The following NCAPD3 variants were observed in gnomAD, a reference collection of about 807,000 sequenced individuals.
NCAPD3 encodes the protein non-SMC condensin II complex subunit D3.
In NCAPD3, 105 loss-of-function variants were observed where a neutral mutation model predicts 182.9. The ratio of observed to expected loss-of-function variants is 0.57; its 90% confidence interval spans 0.49 to 0.68. The LOEUF (loss-of-function observed/expected upper bound fraction) is 0.68. Ranked by LOEUF, NCAPD3 falls within the 30% of genes least tolerant of loss-of-function variation. The pLI, the probability that NCAPD3 is intolerant of heterozygous loss-of-function variation, is 0.00. For synonymous variants in NCAPD3, 815 were observed against 679.9 expected, an observed-to-expected ratio of 1.20 and a Z score of -3.09; for missense variants, 1,944 against 1,837.0, an observed-to-expected ratio of 1.06 and a Z score of -1.07.
At chr11:134,165,133 G>A (rs1052850963) in intron 27 of NCAPD3, among the ~76,000 whole-genome samples, 2 of 151,144 alleles carry the variant, frequency 1.3e-5, no homozygotes, top group Non-Finnish European at 2.9e-5. Flanking sequence ...GATGAGCTTA[G>A]GGGAGCAGCA....
Position 134,206,599 on chromosome 11 carries a change from C to T in NCAPD3, c.1016G>A (p.Ser339Asn). 6.2e-7 allele frequency: 1 copy of T among 1,613,332 alleles called. No individual in the cohort carries two copies. The highest frequency in any genetic ancestry group is 8.5e-7 in the Non-Finnish European group (1 of 1,179,696). Residue 339 changes from serine (S) to asparagine (N), a missense_variant and splice_region_variant, in exon 8 of 35, where the codon AGC (serine) becomes AAC (asparagine). By Grantham distance (46) the Ser-to-Asn change is conservative (BLOSUM62 1). Around this residue, in one of 3 missense-constraint regions of NCAPD3, gnomAD observed 1,803 missense variants for 1,674.6 expected, o/e 1.08. Coordinates refer to ENST00000534548, the MANE Select transcript of NCAPD3 (RefSeq NM_015261.3). ...AAAATTCACGATTTGTGTGCTTCAC[C>T]TGATAAACTGGACCGCCTGGTTTCT... is the stretch of plus-strand genomic sequence containing the variant. ...NCRNQAVQFISALVDELKESI... is the reference protein window; with the variant it reads ...NCRNQAVQFINALVDELKESI...
At position 134,152,620 on chromosome 11, in the gene NCAPD3, A is replaced by T. The variant is rs1943281931; in HGVS notation, c.*324T>A. ...CTTGATTTATATAAAAGAAAGCTGC[A>T]GTTTTAAAGTTGTGTTCCTTAAAGA... is the stretch of plus-strand genomic sequence containing the variant. On this transcript the variant is annotated 3_prime_UTR_variant, in exon 35 of 35. Coordinates refer to ENST00000534548, the MANE Select transcript of NCAPD3 (RefSeq NM_015261.3). 1 of 219,772 alleles carries T rather than the reference A, an allele frequency of 4.6e-6. No individual in the cohort carries two copies. Among genetic ancestry groups the T allele is most frequent in the Non-Finnish European group, 8.8e-6 (1 of 113,304 alleles). The allele number at this position is 219,772 out of a possible 1,614,324, so 13.6% of individuals were successfully genotyped here. A position where few individuals can be genotyped will look rare whatever the true frequency, so the allele number is the denominator to read the frequency against.
At chr11:134,169,664 C>T (rs79714405) in intron 24 of NCAPD3, among the ~76,000 whole-genome samples, 2 of 152,190 alleles carry the variant, frequency 1.3e-5, no homozygotes, top group African/African-American at 2.4e-5. Flanking sequence ...CATATCTGTG[C>T]AATGCTGCAC....
intron 3 of NCAPD3, among the ~76,000 whole-genome samples, chr11:134,216,334 G>A (rs1335527815): frequency 1.3e-5 from 2 of 152,112 alleles, no homozygotes; most frequent in Non-Finnish European, 1.5e-5. Context: ...TGAACTTCAG[G>A]TTATCTGACT....
chr11:134,217,548 G>T (rs868389406), intron 2 of NCAPD3, among the ~76,000 whole-genome samples: 1 of 152,170 alleles, frequency 6.6e-6, no homozygotes, highest in South Asian at 2.1e-4. Flanking sequence ...CAGGCAATGG[G>T]AGCAGGAAAT....
intron 16 of NCAPD3, among the ~76,000 whole-genome samples, chr11:134,188,545 G>T (rs930853715): frequency 1.3e-5 from 2 of 152,154 alleles, no homozygotes; most frequent in African/African-American, 4.8e-5. Flanking sequence ...AAGGGTCTGC[G>T]GCTTCATTCC....
chr11:134,223,752 C>CCGGGCG (rs1938336737), intron 1 of NCAPD3, 111 bp downstream of exon 1: 1 of 1,327,414 alleles, frequency 7.5e-7, no homozygotes. Context: ...CCGCCGACAG[C>CCGGGCG]CGGGCGCCCC....
chr11:134,168,975 A>G lies in NCAPD3; in HGVS notation c.3181T>C (p.Phe1061Leu). ...TGCTTCTCATAGTTATTAAAGTGAAAAATACATTCAATGAAGTGTTGGAAG... is the reference window on the plus strand; with the variant it reads ...TGCTTCTCATAGTTATTAAAGTGAAGAATACATTCAATGAAGTGTTGGAAG... ...MFFQHFIECI[F>L]HFNNYEKHEK... The change falls in exon 25 of 35, where the codon TTT becomes CTT. Residue 1061 changes from phenylalanine to leucine, a missense_variant. Transcript: ENST00000534548. The G allele has an allele frequency of 1.2e-6, 2 of 1,614,064 alleles. No homozygotes were observed. Among genetic ancestry groups the G allele is most frequent in the Non-Finnish European group, 1.7e-6 (2 of 1,179,926 alleles).
Position 134,209,403 on chromosome 11 carries a change from A to G in NCAPD3, c.642T>C (p.Asn214=). ...AATTCTTTAAAAGGTGAAAGATGGC[A>G]TTTCGAATTTGAGAAAGGTCCCGGG... The part of the protein sequence containing the change: ...FSARDLSQIR[N]AIFHLLKNFL... Residue 214 remains asparagine, a synonymous_variant, in exon 5 of 35, where the codon AAT becomes AAC. Transcript: ENST00000534548. 6.2e-7 allele frequency: 1 copy of G among 1,613,964 alleles called. No individual in the cohort carries two copies. Among genetic ancestry groups the G allele is most frequent in the Non-Finnish European group, 8.5e-7 (1 of 1,179,898 alleles).
intron 19 of NCAPD3, among the ~76,000 whole-genome samples, chr11:134,181,469 C>A (rs988641838): frequency 8.5e-5 from 13 of 152,204 alleles, no homozygotes; most frequent in Non-Finnish European, 1.3e-4. Flanking sequence ...ACAATGACCC[C>A]ATGTAGTAAT....
At position 134,189,889 on chromosome 11, in the gene NCAPD3, C is replaced by T. The variant is rs530866641; in HGVS notation, c.2045+2800G>A. Among the ~76,000 whole-genome samples the T allele has an allele frequency of 1.1e-4, 16 of 151,964 alleles. No individual in the cohort carries two copies. In the East Asian group the frequency reaches 2.5e-3, roughly 24 times the overall value. On this transcript the variant is annotated intron_variant, in intron 16 of 34. Coordinates refer to ENST00000534548, the MANE Select transcript of NCAPD3 (RefSeq NM_015261.3). The stretch of plus-strand genomic sequence containing the variant: ...CTTTTTGCATTATTTTTCTAGTAAC[C>T]TTTTTCTTACTTTCAGCATTTCTGG...
At chr11:134,201,485 C>T (rs1944747535) in intron 13 of NCAPD3, among the ~76,000 whole-genome samples, 1 of 152,210 alleles carries the variant, frequency 6.6e-6, no homozygotes, top group African/African-American at 2.4e-5. Context: ...AAAACAACTA[C>T]ATTATACACT....
intron 24 of NCAPD3, chr11:134,173,173 G>C (rs1447985826): frequency 6.5e-6 from 1 of 152,886 alleles, no homozygotes; most frequent in Non-Finnish European, 1.5e-5. Context: ...GTGGCCAACA[G>C]CTCTCCGTGG....
Position 134,209,299 on chromosome 11 carries a change from G to C in NCAPD3, c.732+14C>G. The C allele has an allele frequency of 6.2e-7, 1 of 1,609,664 alleles. No homozygotes were observed. The highest frequency in any genetic ancestry group is 8.5e-7 in the Non-Finnish European group (1 of 1,178,662). ...CTTTGAAGTTGCCCTAAGGTTCCTG[G>C]AATTTTCACTTACCTCTATACAATT... is the stretch of plus-strand genomic sequence containing the variant. On this transcript the variant is annotated intron_variant, in intron 5 of 34. Transcript: ENST00000534548.
Position 134,208,781 on chromosome 11 carries a change from A to G in NCAPD3, c.882+83T>C, listed in dbSNP as rs887155178. ...TAGTAAATTGAAATGGCATTATATC[A>G]AATGCTTTTAACATATTTCCATCAT... On this transcript the variant is annotated intron_variant, in intron 7 of 34. Transcript: ENST00000534548. 4 of 875,782 alleles carry G rather than the reference A, an allele frequency of 4.6e-6. No homozygotes were observed. In the African/African-American group the frequency reaches 5.1e-5, roughly 11 times the overall value. The allele number at this position is 875,782 out of a possible 1,614,324, so 54.3% of individuals were successfully genotyped here.
At chr11:134,223,617 C>G in intron 1 of NCAPD3, 1 of 659,690 alleles carries the variant, frequency 1.5e-6, no homozygotes, top group East Asian at 2.7e-5. Flanking sequence ...AAAACAGATG[C>G]ACAGGCGCTA....
chr11:134,163,360 C>T (rs941535308), intron 27 of NCAPD3, among the ~76,000 whole-genome samples: 1 of 152,136 alleles, frequency 6.6e-6, no homozygotes, highest in African/African-American at 2.4e-5. Context: ...GTCAACCTGC[C>T]TTTAGTCTGT....
rs1937712469 is a variant in NCAPD3 at position 134,208,764 on chromosome 11, T to A, written c.882+100A>T. 7.9e-6 allele frequency: 6 copies of A among 756,364 alleles called. No homozygotes were observed. In the South Asian group the frequency reaches 1.0e-4, roughly 13 times the overall value. The allele number at this position is 756,364 out of a possible 1,614,324, so 46.9% of individuals were successfully genotyped here. On this transcript the variant is annotated intron_variant, in intron 7 of 34. Transcript: ENST00000534548. ...AGGTCATGAAAATGAGCTAGTAAAT[T>A]GAAATGGCATTATATCAAATGCTTT...
chr11:134,164,220 G>C (rs544878969), intron 27 of NCAPD3, among the ~76,000 whole-genome samples: 1 of 152,258 alleles, frequency 6.6e-6, no homozygotes, highest in South Asian at 2.1e-4. Context: ...TACACTTCCT[G>C]CCAACAAAAG....
Sources: allele counts gnomAD v4.1 joint callset (sites outside exome capture counted in the v4.1 genomes callset), GRCh38; gene constraint gnomAD v4.1.1; regional missense constraint gnomAD v4.1.1; transcripts MANE v1.5; gene names NCBI Gene and HGNC (gene_info 2026-07-23, HGNC 2026-07-21).